MPI: variants seen among roughly 807,000 people sequenced by gnomAD.
The protein encoded by MPI is mannose-6-phosphate isomerase.
In MPI, 33 loss-of-function variants were observed where a neutral mutation model predicts 40.1. The ratio of observed to expected loss-of-function variants is 0.82; its 90% CI spans 0.62 to 1.10. The LOEUF (loss-of-function observed/expected upper bound fraction) is 1.10. Among genes scored for constraint, MPI ranks in the 50% least tolerant of loss-of-function variants. The pLI is 0.00. For missense variants in MPI, 514 were observed against 524.1 expected, an observed-to-expected ratio of 0.98 and a Z score of 0.19; for synonymous variants, 187 against 207.4, an observed-to-expected ratio of 0.90 and a Z score of 0.85.
At chr15:74,892,458 T>C (rs1017113011) in intron 3 of MPI, among the ~76,000 whole-genome samples, 1 of 152,084 alleles carries the variant, frequency 6.6e-6, no homozygotes, top group African/African-American at 2.4e-5. Flanking sequence ...TGCCCCGGGG[T>C]TGCCCCTGAT....
At chr15:74,895,302 C>T (rs1026393420) in intron 5 of MPI, 1 of 149,652 alleles carries the variant, frequency 6.7e-6, no homozygotes, top group Admixed American at 6.6e-5. Context: ...GTGCTAAAAA[C>T]TAGAAAGTCG....
At position 74,897,640 on chromosome 15, in the gene MPI, C is replaced by G; in HGVS notation, c.1182C>G (p.Gly394=). 1.2e-6 allele frequency: 2 copies of G among 1,614,192 alleles called. No homozygotes were observed. Among genetic ancestry groups the G allele is most frequent in the Non-Finnish European group, 1.7e-6 (2 of 1,180,020 alleles). ...CACCAATCCCTCTGCAACGTGGTGG[C>G]GTGCTCTTCATTGGGGCCAATGAGA... ...TQTPIPLQRG[G]VLFIGANESV... Residue 394 remains glycine (G), a synonymous_variant, in exon 8 of 8, where the codon GGC becomes GGG. Coordinates refer to ENST00000352410, the MANE Select transcript of MPI (RefSeq NM_002435.3).
intron 7 of MPI, 30 bp from the exon 8 acceptor site, chr15:74,897,482 T>G (rs368817984): frequency 1.2e-6 from 2 of 1,603,100 alleles, no homozygotes; most frequent in African/African-American, 2.7e-5. Flanking sequence ...GAGTCTGAGC[T>G]GCACTGCCTT....
chr15:74,891,654 C>A, intron 3 of MPI, 75 bp downstream of exon 3: 1 of 1,489,740 alleles, frequency 6.7e-7, no homozygotes, highest in Non-Finnish European at 9.4e-7. Flanking sequence ...ACTTTTACTG[C>A]CACTTTTACC....
Position 74,898,349 on chromosome 15 carries a change from A to G in MPI, c.*619A>G, listed in dbSNP as rs7497201. 0.68 allele frequency: 116,276 copies of G among 171,188 alleles called. 39,923 individuals carry two copies. Among genetic ancestry groups the G allele is most frequent in the East Asian group, 0.88 (6,127 of 6,964 alleles). 10.6% of individuals were successfully genotyped at this position (171,188 alleles called of 1,614,324 possible). ...CCTATTTCATACAGCTTCTCGGGGGAGTGAGCAGGCTACACTCCAGAACAC... is the reference window on the plus strand; with the variant it reads ...CCTATTTCATACAGCTTCTCGGGGGGGTGAGCAGGCTACACTCCAGAACAC... On this transcript the variant is annotated 3_prime_UTR_variant, in exon 8 of 8. Coordinates refer to ENST00000352410, the MANE Select transcript of MPI (RefSeq NM_002435.3).
chr15:74,897,413 T>C, intron 7 of MPI, 99 bp from the exon 8 acceptor site: 1 of 1,353,782 alleles, frequency 7.4e-7, no homozygotes, highest in Non-Finnish European at 1.0e-6. Context: ...TGCGAGAAGG[T>C]GGCAGAGCTC....
chr15:74,892,915 C>T, intron 4 of MPI, 113 bp downstream of exon 4: 2 of 1,552,616 alleles, frequency 1.3e-6, no homozygotes, highest in East Asian at 2.2e-5. Context: ...ACTGAAGGGC[C>T]TCATGAAGCA....
chr15:74,899,414 A>G lies in MPI; in HGVS notation c.*1684A>G, dbSNP rs1567271826. The G allele has an allele frequency of 6.6e-6, 1 of 152,228 alleles. No individual in the cohort carries two copies. Among genetic ancestry groups the G allele is most frequent in the African/African-American group, 2.4e-5 (1 of 41,462 alleles). The allele number at this position is 152,228 out of a possible 1,614,324, so 9.4% of individuals were successfully genotyped here. On this transcript the variant is annotated 3_prime_UTR_variant, in exon 8 of 8. Coordinates refer to ENST00000352410, the MANE Select transcript of MPI (RefSeq NM_002435.3). The stretch of plus-strand genomic sequence containing the variant: ...TGCCTCCAAATTTTCTTCAGCTAAA[A>G]AACAATAAAGATGAGCTGGAAAGAA...
At chr15:74,894,082 GT>G (rs2064772982) in intron 5 of MPI, among the ~76,000 whole-genome samples, 2 of 62,802 alleles carry the variant, frequency 3.2e-5, no homozygotes, top group Admixed American at 3.6e-4. Flanking sequence ...GTGTGTGTGT[GT>G]GTGTGTGTGT....
intron 1 of MPI, 41 bp downstream of exon 1, chr15:74,890,130 G>T (rs746460550): frequency 1.7e-5 from 27 of 1,606,214 alleles, no homozygotes; most frequent in Non-Finnish European, 2.3e-5. Flanking sequence ...TGTTCGTGGA[G>T]CGCGTCCTGG....
Position 74,896,334 on chromosome 15 carries a change from C to T in MPI, c.844+9C>T. 6.2e-7 allele frequency: 1 copy of T among 1,614,080 alleles called. No homozygotes were observed. The highest frequency in any genetic ancestry group is 1.1e-5 in the South Asian group (1 of 91,080). On this transcript the variant is annotated intron_variant, in intron 6 of 7. Coordinates refer to ENST00000352410, the MANE Select transcript of MPI (RefSeq NM_002435.3). The stretch of plus-strand genomic sequence containing the variant: ...TGCCTACCTGAAAGGAGGTGAGCCA[C>T]ATTTCAGCAGTGAGCCCCACTGCCA...
rs1296346165 is a variant in MPI at position 74,893,318 on chromosome 15, A to C, written c.668A>C (p.Gln223Pro). The stretch of plus-strand genomic sequence containing the variant: ...CTGTTGGTGAAGCGGATCTCCCAGC[A>C]AGGTGGACACAGTTATATTCCTGGT... ...LNLLVKRISQ[Q>P]AAAGNNMEDI... Residue 223 changes from glutamine to proline, a missense_variant and splice_region_variant, in exon 5 of 8, where the codon CAA becomes CCA. Coordinates refer to ENST00000352410, the MANE Select transcript of MPI (RefSeq NM_002435.3). The C allele has an allele frequency of 2.5e-6, 4 of 1,614,194 alleles. No homozygotes were observed. Among genetic ancestry groups the C allele is most frequent in the Non-Finnish European group, 3.4e-6 (4 of 1,180,016 alleles).
chr15:74,892,760 T>A lies in MPI; in HGVS notation c.445T>A (p.Cys149Ser). ...TGCCCTCACCCCCTTCCAGGGCTTG[T>A]GTGGCTTCCGGCCAGTTGAGGAGAT... The part of the protein sequence containing the change: ...AIALTPFQGL[C>S]GFRPVEEIVT... The change falls in exon 4 of 8, where the codon TGT becomes AGT. Residue 149 changes from cysteine to serine, a missense_variant. Cys to Ser is a moderately radical substitution (Grantham distance 112). Transcript: ENST00000352410. The A allele has an allele frequency of 6.2e-7, 1 of 1,614,268 alleles. No individual in the cohort carries two copies. The highest frequency in any genetic ancestry group is 2.2e-5 in the East Asian group (1 of 44,888).
At chr15:74,892,950 C>T (rs2064749064) in intron 4 of MPI, 148 bp downstream of exon 4, 1 of 1,374,700 alleles carries the variant, frequency 7.3e-7, no homozygotes, top group African/African-American at 1.4e-5. Context: ...TGAGCCAGGC[C>T]AGTGAGACCA....
rs2064865414 is a variant in MPI at position 74,898,911 on chromosome 15, C to T, written c.*1181C>T. 6.6e-6 allele frequency: 1 copy of T among 152,274 alleles called. No individual in the cohort carries two copies. Among genetic ancestry groups the T allele is most frequent in the Non-Finnish European group, 1.5e-5 (1 of 68,084 alleles). 9.4% of individuals were successfully genotyped at this position (152,274 alleles called of 1,614,324 possible). On this transcript the variant is annotated 3_prime_UTR_variant, in exon 8 of 8. Coordinates refer to ENST00000352410, the MANE Select transcript of MPI (RefSeq NM_002435.3). Reference sequence around the variant, plus strand: ...GCTGGCAGGCCAGTTCTGGCCATACCTGTTCATTTCCATACTGTCTGGCTG... The same window carrying T: ...GCTGGCAGGCCAGTTCTGGCCATACTTGTTCATTTCCATACTGTCTGGCTG...
In MPI at chr15:74,898,856, C is replaced by G. The variant is rs777510457; in HGVS notation, c.*1126C>G. 6.6e-6 allele frequency: 1 copy of G among 152,354 alleles called. No homozygotes were observed. The highest frequency in any genetic ancestry group is 6.5e-5 in the Admixed American group (1 of 15,278). 9.4% of individuals were successfully genotyped at this position (152,354 alleles called of 1,614,324 possible). On this transcript the variant is annotated 3_prime_UTR_variant, in exon 8 of 8. Transcript: ENST00000352410. ...GCCTGGCCCGGCTCCTGTTTTTCAA[C>G]TGGCCCTAGAGGAGGGGTCCGCAAA...
Position 74,899,182 on chromosome 15 carries a change from G to A in MPI, c.*1452G>A, listed in dbSNP as rs2064869271. On this transcript the variant is annotated 3_prime_UTR_variant, in exon 8 of 8. Coordinates refer to ENST00000352410, the MANE Select transcript of MPI (RefSeq NM_002435.3). ...CCAGGGGTGGCACACACCTGCAAGA[G>A]GCTGTCGGCTGTCTGCTGCTGCTGA... 1 of 152,208 alleles carries A rather than the reference G, an allele frequency of 6.6e-6. No individual in the cohort carries two copies. The allele number at this position is 152,208 out of a possible 1,614,324, so 9.4% of individuals were successfully genotyped here.
chr15:74,890,989 G>T (rs1265229346), intron 2 of MPI: 1 of 566,392 alleles, frequency 1.8e-6, no homozygotes, highest in African/African-American at 1.8e-5. Flanking sequence ...TGGAGAAAAA[G>T]CCAAAGCATA....
chr15:74,897,364 A>G, intron 7 of MPI, 145 bp downstream of exon 7: 1 of 1,287,952 alleles, frequency 7.8e-7, no homozygotes, highest in Non-Finnish European at 1.1e-6. Context: ...TCCTTCCTGT[A>G]CCAGGGACCA....
Sources: gnomAD v4.1 joint callset for allele counts (sites outside exome capture counted in the v4.1 genomes callset) on GRCh38, gnomAD v4.1.1 for gene constraint, MANE v1.5 for transcripts, NCBI Gene and HGNC (gene_info 2026-07-23, HGNC 2026-07-21) for gene names.